The following CLVS1 variants were observed in gnomAD, a reference collection of about 807,000 sequenced individuals.
The protein encoded by CLVS1 is clavesin-1.
Under a neutral mutation model 33.1 loss-of-function variants are expected in CLVS1, and 10 were observed. The ratio of observed to expected loss-of-function variants is 0.30; its 90% CI spans 0.19 to 0.51. The LOEUF is 0.51. Ranked by LOEUF, CLVS1 falls within the 20% of genes least tolerant of loss-of-function variation. The pLI is 0.97. For synonymous variants in CLVS1, 163 were observed against 166.1 expected (o/e 0.98, Z 0.14); for missense variants, 343 against 433.4 (o/e 0.79, Z 1.85).
At chr8:61,015,908 G>C in the CLVS1 span, among the ~76,000 whole-genome samples, 1 of 152,168 alleles carries the variant, frequency 6.6e-6, no homozygotes, top group Non-Finnish European at 1.5e-5. Context: ...ACTGGCCTGA[G>C]TATGATTAGA....
intron 2 of CLVS1, among the ~76,000 whole-genome samples, chr8:61,344,909 T>C (rs1339423643): frequency 1.3e-5 from 2 of 148,406 alleles, no homozygotes; most frequent in Non-Finnish European, 3.0e-5. Context: ...AAAAAAAAGG[T>C]GTAATTCCAA....
chr8:61,058,715 G>A (rs1423003857), intron 1 of CLVS1, among the ~76,000 whole-genome samples: 2 of 152,020 alleles, frequency 1.3e-5, no homozygotes, highest in African/African-American at 4.8e-5. Flanking sequence ...GTCTCTCCTT[G>A]CCTTGTCCCT....
At chr8:61,070,851 A>G (rs1334240469) in intron 1 of CLVS1, among the ~76,000 whole-genome samples, 3 of 152,202 alleles carry the variant, frequency 2.0e-5, no homozygotes, top group African/African-American at 7.2e-5. Flanking sequence ...TCTCTAACAT[A>G]AAAAAGAAAT....
At chr8:61,243,103 AG>A (rs1296174942) in intron 2 of CLVS1, among the ~76,000 whole-genome samples, 7 of 152,220 alleles carry the variant, frequency 4.6e-5, no homozygotes, top group African/African-American at 9.6e-5. Flanking sequence ...CATATTGCTC[AG>A]AAGAGTATTC....
At chr8:60,984,240 C>A in the CLVS1 span, among the ~76,000 whole-genome samples, 63 of 152,248 alleles carry the variant, frequency 4.1e-4, no homozygotes, top group African/African-American at 1.5e-3. Flanking sequence ...AGAATTAAGA[C>A]CCTATTGTCT....
chr8:61,437,860 T>C (rs1482779785), intron 3 of CLVS1, among the ~76,000 whole-genome samples: 1 of 152,180 alleles, frequency 6.6e-6, no homozygotes, highest in Non-Finnish European at 1.5e-5. Context: ...ATGAAGATGG[T>C]CAACAGTTCA....
the CLVS1 span, among the ~76,000 whole-genome samples, chr8:60,984,171 C>G: frequency 0.028 from 4,322 of 152,252 alleles, 243 homozygotes; most frequent in African/African-American, 0.099. Context: ...GGATATCTTT[C>G]TCATTCCAGC....
intron 3 of CLVS1, among the ~76,000 whole-genome samples, chr8:61,414,738 G>A (rs1029123999): frequency 7.2e-5 from 11 of 152,176 alleles, no homozygotes; most frequent in African/African-American, 1.2e-4. Flanking sequence ...GAGTTAATAT[G>A]ATTAAAATGA....
intron 1 of CLVS1, among the ~76,000 whole-genome samples, chr8:61,077,515 G>C (rs1430449684): frequency 6.7e-6 from 1 of 149,688 alleles, no homozygotes; most frequent in Non-Finnish European, 1.5e-5. Flanking sequence ...TCACTCTGTG[G>C]CCCAGGCTGG....
intron 2 of CLVS1, among the ~76,000 whole-genome samples, chr8:61,135,307 C>T (rs1367108501): frequency 6.6e-6 from 1 of 152,022 alleles, no homozygotes; most frequent in African/African-American, 2.4e-5. Flanking sequence ...TGTGACTTGT[C>T]TGGGGAACAA....
intron 2 of CLVS1, among the ~76,000 whole-genome samples, chr8:61,218,802 G>T (rs1808147519): frequency 6.9e-6 from 1 of 145,366 alleles, no homozygotes; most frequent in Non-Finnish European, 1.5e-5. Context: ...AAAAAAGCTG[G>T]GAGTAGTCAG....
chr8:61,338,650 T>C (rs1035944055), intron 2 of CLVS1, among the ~76,000 whole-genome samples: 2 of 152,232 alleles, frequency 1.3e-5, no homozygotes, highest in African/African-American at 2.4e-5. Flanking sequence ...CTCCTCCATA[T>C]GCAGCAGATT....
At position 61,150,815 on chromosome 8, in the gene CLVS1, C is replaced by T. The variant is rs143146399; in HGVS notation, c.-152+18955C>T. On this transcript the variant is annotated intron_variant, in intron 2 of 2. Coordinates refer to the CLVS1 transcript ENST00000522621. Reference sequence around the variant, plus strand: ...TCCTGGAGTTGATACGTAGACATTGCGAGTGATGAGTCCACTTTTCACAGA... The same window carrying T: ...TCCTGGAGTTGATACGTAGACATTGTGAGTGATGAGTCCACTTTTCACAGA... 6.6e-4 allele frequency among the ~76,000 whole-genome samples: 101 copies of T among 152,218 alleles called. No individual in the cohort carries two copies. The East Asian group carries it at 0.012, about 18-fold the overall frequency.
chr8:61,135,450 G>T (rs188082094), intron 2 of CLVS1, among the ~76,000 whole-genome samples: 9 of 152,300 alleles, frequency 5.9e-5, no homozygotes, highest in African/African-American at 2.2e-4. Context: ...GTGCTGGGAT[G>T]ATTTTAATGT....
At chr8:61,475,367 C>G (rs547338720) in intron 5 of CLVS1, among the ~76,000 whole-genome samples, 1 of 152,348 alleles carries the variant, frequency 6.6e-6, no homozygotes, top group African/African-American at 2.4e-5. Flanking sequence ...TGAGGAATCG[C>G]CACACCAGCT....
At position 61,480,755 on chromosome 8, in the gene CLVS1, T is replaced by G. The variant is rs1355312526; in HGVS notation, c.978-18700T>G. ...TCAGGGCAAGTCTTAAGAGTGAGAT[T>G]AGACTAGGGTACAGAAGGGTTTTTA... On this transcript the variant is annotated intron_variant, in intron 5 of 5. Coordinates refer to ENST00000325897, the MANE Select transcript of CLVS1 (RefSeq NM_173519.3). Among the ~76,000 whole-genome samples the G allele has an allele frequency of 3.9e-5, 6 of 152,216 alleles. No homozygotes were observed. The South Asian group carries it at 1.2e-3, about 32-fold the overall frequency.
At chr8:61,435,576 T>G (rs1816299959) in intron 3 of CLVS1, among the ~76,000 whole-genome samples, 1 of 150,398 alleles carries the variant, frequency 6.6e-6, no homozygotes, top group Non-Finnish European at 1.5e-5. Flanking sequence ...AAGATTTAGG[T>G]GGCTTAAAAG....
intron 2 of CLVS1, among the ~76,000 whole-genome samples, chr8:61,325,966 C>A (rs1319961750): frequency 1.3e-5 from 2 of 152,150 alleles, no homozygotes; most frequent in African/African-American, 2.4e-5. Context: ...TTATTAGGTA[C>A]ACTTGCCATG....
chr8:61,257,769 T>C (rs1284683031), intron 2 of CLVS1, among the ~76,000 whole-genome samples: 1 of 152,168 alleles, frequency 6.6e-6, no homozygotes, highest in Non-Finnish European at 1.5e-5. Flanking sequence ...TAAAGAGATA[T>C]ATTAACTTAA....
Sources: allele counts gnomAD v4.1 joint callset (sites outside exome capture counted in the v4.1 genomes callset), GRCh38; gene constraint gnomAD v4.1.1; transcripts MANE v1.5; gene names NCBI Gene and HGNC (gene_info 2026-07-23, HGNC 2026-07-21).